The following CNBD1 variants were observed in gnomAD, a reference collection of about 807,000 sequenced individuals.
The protein encoded by CNBD1 is cyclic nucleotide binding domain containing 1.
Under a neutral mutation model 54.4 loss-of-function variants are expected in CNBD1, and 71 were observed. The ratio of observed to expected loss-of-function variants is 1.30; its 90% confidence interval spans 1.08 to 1.59. The LOEUF is 1.59. Ranked by LOEUF, CNBD1 falls within the 40% of genes most tolerant of loss-of-function variation. The pLI, the probability that CNBD1 is intolerant of heterozygous loss-of-function variation, is 0.00. For missense variants in CNBD1, 659 were observed against 518.0 expected (o/e 1.27, Z -2.64); for synonymous variants, 182 against 170.7 (o/e 1.07, Z -0.51).
intron 3 of CNBD1, among the ~76,000 whole-genome samples, chr8:86,937,352 G>A (rs1478149195): frequency 2.6e-5 from 4 of 152,104 alleles, no homozygotes; most frequent in African/African-American, 9.7e-5. Context: ...ATTTGGGTGG[G>A]GACACAGCTA....
At chr8:87,141,321 T>G (rs1286384588) in intron 4 of CNBD1, among the ~76,000 whole-genome samples, 1 of 152,072 alleles carries the variant, frequency 6.6e-6, no homozygotes, top group East Asian at 1.9e-4. Flanking sequence ...AGTATAAGAG[T>G]TGCATTTGAT....
chr8:86,878,545 C>T (rs1375830699), intron 1 of CNBD1, among the ~76,000 whole-genome samples: 2 of 150,064 alleles, frequency 1.3e-5, no homozygotes, highest in Non-Finnish European at 3.0e-5. Flanking sequence ...TGCCACTTAA[C>T]ATTGTCCTCT....
chr8:87,228,538 C>A (rs1308101353), intron 5 of CNBD1, among the ~76,000 whole-genome samples: 2 of 150,270 alleles, frequency 1.3e-5, no homozygotes, highest in African/African-American at 2.5e-5. Flanking sequence ...GGGGTGCCTC[C>A]CAGTTAGGCT....
rs529624768 is a variant in CNBD1, at chr8:87,015,982, A to G, written c.431+76228A>G. ...GAAATAGTGAGAATCCGTCTCAAAA[A>G]AAAAAAAAAAAAAAAAAAAAGCCTT... On this transcript the variant is annotated intron_variant, in intron 4 of 10. Transcript: ENST00000518476. 6.0e-3 allele frequency among the ~76,000 whole-genome samples: 902 copies of G among 149,996 alleles called. 2 individuals are homozygous for G. Among genetic ancestry groups the G allele is most frequent in the African/African-American group, 0.02 (832 of 40,906 alleles).
chr8:87,323,377 TC>T (rs1429907262), intron 8 of CNBD1, among the ~76,000 whole-genome samples: 2 of 139,352 alleles, frequency 1.4e-5, no homozygotes, highest in African/African-American at 5.4e-5. Context: ...TGGCATTGAA[TC>T]TGTAAATTAC....
rs557396733 is a variant in CNBD1, at chr8:87,221,683, A to C, written c.578-15236A>C. 1.1e-3 allele frequency among the ~76,000 whole-genome samples: 169 copies of C among 152,214 alleles called. 1 individual carries two copies. Among genetic ancestry groups the C allele is most frequent in the African/African-American group, 3.9e-3 (162 of 41,540 alleles). On this transcript the variant is annotated intron_variant, in intron 5 of 10. Coordinates refer to ENST00000518476, the MANE Select transcript of CNBD1 (RefSeq NM_173538.3). The stretch of plus-strand genomic sequence containing the variant: ...TATAATTATATACTTTGTAATTTTC[A>C]CAATACCAGAAGAGTATTTATTTTT...
intron 8 of CNBD1, among the ~76,000 whole-genome samples, chr8:87,289,725 TATCTC>T (rs1295696993): frequency 1.3e-5 from 2 of 152,146 alleles, no homozygotes; most frequent in South Asian, 2.1e-4. Flanking sequence ...TATATCTAGT[TATCTC>T]AAACCAAATG....
At chr8:87,008,030 A>G (rs980543591) in intron 4 of CNBD1, among the ~76,000 whole-genome samples, 1 of 152,210 alleles carries the variant, frequency 6.6e-6, no homozygotes, top group African/African-American at 2.4e-5. Flanking sequence ...TTTCATACGG[A>G]TTTTAAAATT....
chr8:87,350,990 A>T (rs1810278760), intron 8 of CNBD1, among the ~76,000 whole-genome samples: 1 of 152,162 alleles, frequency 6.6e-6, no homozygotes, highest in African/African-American at 2.4e-5. Flanking sequence ...ACATCGATTT[A>T]TTGTAATAAC....
chr8:87,421,757 C>A (rs1807943608), intron 2 of CNBD1, among the ~76,000 whole-genome samples: 6 of 147,354 alleles, frequency 4.1e-5, no homozygotes, highest in South Asian at 2.2e-4. Flanking sequence ...GTCTTTATAG[C>A]AGCATGATTT....
chr8:87,220,196 C>T (rs1814300944), intron 5 of CNBD1, among the ~76,000 whole-genome samples: 1 of 151,794 alleles, frequency 6.6e-6, no homozygotes, highest in South Asian at 2.1e-4. Flanking sequence ...ATGATGAATT[C>T]ACTTAATGCT....
rs187895235 is a variant in CNBD1 at position 87,103,630 on chromosome 8, C to T, written c.432-102363C>T. ...GTTGGGGAAAAGCCCCTTACAAAAC[C>T]AGCAGATCTTGTGAGAACTCACTCA... is the stretch of plus-strand genomic sequence containing the variant. On this transcript the variant is annotated intron_variant, in intron 4 of 10. Coordinates refer to ENST00000518476, the MANE Select transcript of CNBD1 (RefSeq NM_173538.3). Among the ~76,000 whole-genome samples the T allele has an allele frequency of 7.7e-4, 117 of 152,230 alleles. 1 individual carries two copies. The highest frequency in any genetic ancestry group is 1.9e-4 in the East Asian group (1 of 5,172).
chr8:86,931,667 A>T (rs1195256400), intron 3 of CNBD1, among the ~76,000 whole-genome samples: 1 of 152,024 alleles, frequency 6.6e-6, no homozygotes, highest in Non-Finnish European at 1.5e-5. Context: ...CTATTATAGA[A>T]CACCAAGGTT....
At chr8:86,880,386 C>A (rs962891950) in intron 1 of CNBD1, among the ~76,000 whole-genome samples, 1 of 151,538 alleles carries the variant, frequency 6.6e-6, no homozygotes, top group African/African-American at 2.4e-5. Context: ...AAATACAAAA[C>A]AATACAGTAT....
At chr8:87,427,861 A>G (rs1808075868) in intron 2 of CNBD1, among the ~76,000 whole-genome samples, 1 of 152,034 alleles carries the variant, frequency 6.6e-6, no homozygotes, top group Admixed American at 6.6e-5. Context: ...AATTCAATAA[A>G]ACCTCATCCA....
At position 86,899,342 on chromosome 8, in the gene CNBD1, A is replaced by G. The variant is rs182598325; in HGVS notation, c.159-5739A>G. Among the ~76,000 whole-genome samples, 916 of 152,218 alleles carry G rather than the reference A, an allele frequency of 6.0e-3. 3 individuals carry two copies. The highest frequency in any genetic ancestry group is 0.015 in the African/African-American group (644 of 41,566). ...TAGCTGTTCTTGCCACAAAAAAAAA[A>G]TGGGTAACTATATGAAATGATGGAT... On this transcript the variant is annotated intron_variant, in intron 2 of 10. Transcript: ENST00000518476.
At chr8:87,387,432 CA>C (rs571857101), downstream of CNBD1, among the ~76,000 whole-genome samples, 53 of 151,574 alleles carry the variant, frequency 3.5e-4, no homozygotes, top group Non-Finnish European at 6.5e-4. Flanking sequence ...AAATGGAAAA[CA>C]AAAAAAGGCA....
At chr8:87,331,724 A>T (rs1218619486) in intron 8 of CNBD1, among the ~76,000 whole-genome samples, 1 of 152,050 alleles carries the variant, frequency 6.6e-6, no homozygotes, top group African/African-American at 2.4e-5. Flanking sequence ...ACCAGCATCT[A>T]TTGTTGGTTT....
chr8:86,869,007 G>A (rs968920337), intron 1 of CNBD1, among the ~76,000 whole-genome samples: 2 of 148,422 alleles, frequency 1.3e-5, no homozygotes, highest in East Asian at 3.9e-4. Flanking sequence ...GAAGATGGAG[G>A]GGGGACAAAA....
Sources: allele counts gnomAD v4.1 joint callset (sites outside exome capture counted in the v4.1 genomes callset), GRCh38; gene constraint gnomAD v4.1.1; transcripts MANE v1.5; gene names NCBI Gene and HGNC (gene_info 2026-07-23, HGNC 2026-07-21).